The following SDK2 variants were observed in gnomAD, a reference collection of about 807,000 sequenced individuals.
SDK2 encodes the protein sidekick cell adhesion molecule 2, also known as protein sidekick-2.
Under a neutral mutation model 253.9 loss-of-function variants are expected in SDK2, and 105 were observed. The observed-to-expected ratio is 0.41, with a 90% CI of 0.35 to 0.49. The LOEUF is 0.49. Among genes scored for constraint, SDK2 ranks in the 20% least tolerant of loss-of-function variants. The pLI is 0.06. For missense variants in SDK2, 2,608 were observed against 3,003.0 expected (o/e 0.87, Z 3.07); for synonymous variants, 1,249 against 1,234.9 (o/e 1.01, Z -0.24).
chr17:73,548,683 T>A (rs1327138583), intron 1 of SDK2, among the ~76,000 whole-genome samples: 1 of 152,268 alleles, frequency 6.6e-6, no homozygotes, highest in Middle Eastern at 3.4e-3. Flanking sequence ...GCCTGTCTCC[T>A]CCCTGGGGAG....
chr17:73,536,988 G>A (rs1337816342), intron 1 of SDK2, among the ~76,000 whole-genome samples: 1 of 152,172 alleles, frequency 6.6e-6, no homozygotes, highest in Non-Finnish European at 1.5e-5. Context: ...CTGGGTGGAG[G>A]GGCAGGAGTG....
intron 5 of SDK2, among the ~76,000 whole-genome samples, chr17:73,444,551 G>C (rs1222500443): frequency 6.6e-6 from 1 of 152,218 alleles, no homozygotes; most frequent in Non-Finnish European, 1.5e-5. Context: ...TTGCGTAACA[G>C]CCAGGACAAG....
intron 1 of SDK2, among the ~76,000 whole-genome samples, chr17:73,622,500 A>G (rs865994017): frequency 4.5e-4 from 68 of 152,326 alleles, no homozygotes; most frequent in African/African-American, 1.6e-3. Flanking sequence ...AATAGTTCCC[A>G]GTCTTTTTCC....
chr17:73,456,124 T>A, intron 3 of SDK2, 71 bp from the exon 4 acceptor site: 1 of 1,409,396 alleles, frequency 7.1e-7, no homozygotes. Context: ...GCTCCCAGGT[T>A]GGGAGTGGTG....
chr17:73,382,591 C>T (rs575889302), intron 33 of SDK2, among the ~76,000 whole-genome samples: 1 of 152,366 alleles, frequency 6.6e-6, no homozygotes, highest in East Asian at 1.9e-4. Flanking sequence ...CGTGTTTTAT[C>T]GGTTGCACCA....
In SDK2 at chr17:73,355,174, A is replaced by ATT. The variant is rs770032791; in HGVS notation, c.5594-2539_5594-2538dup. 2.6e-3 allele frequency among the ~76,000 whole-genome samples: 120 copies of ATT among 47,048 alleles called. 2 individuals are homozygous for ATT. The highest frequency in any genetic ancestry group is 2.6e-3 in the Non-Finnish European group (78 of 29,614). The allele number at this position is 47,048 out of a possible 152,430, so 30.9% of individuals were successfully genotyped here. On this transcript the variant is annotated intron_variant, in intron 40 of 44. Coordinates refer to ENST00000392650, the MANE Select transcript of SDK2 (RefSeq NM_001144952.2). ...CCTACACCTCCATATATATATATAT[A>ATT]TTTTTTTTTTTTTTTTTTTTTAGAC...
rs536017729 is a variant in SDK2, at chr17:73,397,383, C to G, written c.3354+652G>C. Among the ~76,000 whole-genome samples the G allele has an allele frequency of 2.0e-4, 31 of 152,252 alleles. No homozygotes were observed. In the South Asian group the frequency reaches 6.2e-3, roughly 31 times the overall value. ...TGTGGACTTGCGGGTAAAGATTCCCCGGGTTGGGACCTCAGCCCTGCTGTT... is the reference window on the plus strand; with the variant it reads ...TGTGGACTTGCGGGTAAAGATTCCCGGGGTTGGGACCTCAGCCCTGCTGTT... On this transcript the variant is annotated intron_variant, in intron 24 of 44. Transcript: ENST00000392650.
intron 1 of SDK2, among the ~76,000 whole-genome samples, chr17:73,540,975 C>T (rs983291737): frequency 2.6e-5 from 4 of 152,200 alleles, no homozygotes; most frequent in African/African-American, 4.8e-5. Flanking sequence ...GTGGCTACAC[C>T]GTACACCCCA....
chr17:73,598,768 T>C (rs768728280), intron 1 of SDK2, among the ~76,000 whole-genome samples: 1 of 152,078 alleles, frequency 6.6e-6, no homozygotes, highest in African/African-American at 2.4e-5. Flanking sequence ...CAGGGGAAGG[T>C]GGGAGAGGCA....
At chr17:73,370,072 T>A (rs1286585264) in intron 36 of SDK2, among the ~76,000 whole-genome samples, 1 of 152,198 alleles carries the variant, frequency 6.6e-6, no homozygotes, top group African/African-American at 2.4e-5. Context: ...CGCCCCCTGC[T>A]GGCCAATGAG....
At chr17:73,633,989 GGGCCAGATT>G (rs754361841) in intron 1 of SDK2, among the ~76,000 whole-genome samples, 99 of 152,316 alleles carry the variant, frequency 6.5e-4, no homozygotes, top group Middle Eastern at 3.4e-3. Flanking sequence ...GTGGCAGGTA[GGGCCAGATT>G]GTGGAGAGTT....
chr17:73,578,473 G>A (rs1452227275), intron 1 of SDK2, among the ~76,000 whole-genome samples: 1 of 152,164 alleles, frequency 6.6e-6, no homozygotes, highest in Non-Finnish European at 1.5e-5. Flanking sequence ...GGGTCATTTT[G>A]TTACAGCATC....
intron 18 of SDK2, among the ~76,000 whole-genome samples, chr17:73,404,617 C>A (rs530686670): frequency 6.6e-6 from 1 of 152,302 alleles, no homozygotes; most frequent in African/African-American, 2.4e-5. Flanking sequence ...GACCCTGAGA[C>A]CTTTCATGAT....
chr17:73,478,460 A>C (rs1599604179), intron 2 of SDK2, among the ~76,000 whole-genome samples: 2 of 152,202 alleles, frequency 1.3e-5, no homozygotes, highest in East Asian at 3.8e-4. Context: ...AGATACGCCA[A>C]GAATCCACAC....
intron 38 of SDK2, among the ~76,000 whole-genome samples, chr17:73,362,824 G>A (rs1384205476): frequency 1.3e-5 from 2 of 152,208 alleles, no homozygotes; most frequent in Non-Finnish European, 2.9e-5. Context: ...ACTCCTGACT[G>A]CCAGCCTCCC....
chr17:73,421,573 CTTTT>C (rs36068491), intron 15 of SDK2, among the ~76,000 whole-genome samples: 12 of 90,788 alleles, frequency 1.3e-4, no homozygotes, highest in East Asian at 3.0e-4. Context: ...CAATTTCCAT[CTTTT>C]TTTTTTTTTT....
chr17:73,438,635 C>CAGAT (rs776924316), intron 6 of SDK2, among the ~76,000 whole-genome samples: 1 of 144,804 alleles, frequency 6.9e-6, no homozygotes, highest in Non-Finnish European at 1.5e-5. Context: ...GCAGACAAGA[C>CAGAT]AGACAGACAG....
At chr17:73,638,377 G>C (rs561460571) in intron 1 of SDK2, among the ~76,000 whole-genome samples, 100 of 152,366 alleles carry the variant, frequency 6.6e-4, no homozygotes, top group African/African-American at 2.3e-3. Flanking sequence ...CTGGAGCTGA[G>C]TGCAATGGAG....
intron 18 of SDK2, among the ~76,000 whole-genome samples, chr17:73,406,071 C>T (rs920864099): frequency 6.6e-6 from 1 of 151,944 alleles, no homozygotes; most frequent in African/African-American, 2.4e-5. Flanking sequence ...TAATACATAA[C>T]ACAATATAAA....
Sources: gnomAD v4.1 joint callset for allele counts (sites outside exome capture counted in the v4.1 genomes callset) on GRCh38, gnomAD v4.1.1 for gene constraint, MANE v1.5 for transcripts, NCBI Gene and HGNC (gene_info 2026-07-23, HGNC 2026-07-21) for gene names.